GLIS1: variants seen among roughly 807,000 people sequenced by gnomAD.
GLIS1 encodes zinc finger protein GLIS1.
GLIS1 carries 24 observed loss-of-function variants against 63.8 expected under a neutral mutation model. The observed-to-expected ratio is 0.38, with a 90% CI of 0.27 to 0.53. GLIS1 has a LOEUF of 0.53. Among genes scored for constraint, GLIS1 ranks in the 20% least tolerant of loss-of-function variants. GLIS1 has a pLI of 0.85. For missense variants in GLIS1, 1,036 were observed against 1,074.1 expected (o/e 0.96, Z 0.50); for synonymous variants, 450 against 482.5 (o/e 0.93, Z 0.88).
chr1:53,556,722 TGCAG>T (rs1644837612), intron 4 of GLIS1, among the ~76,000 whole-genome samples: 1 of 150,802 alleles, frequency 6.6e-6, no homozygotes, highest in Non-Finnish European at 1.5e-5. Flanking sequence ...GATGTTTGTG[TGCAG>T]GTGTACTGGA....
chr1:53,720,886 T>A (rs1646747213), intron 2 of GLIS1, among the ~76,000 whole-genome samples: 1 of 152,070 alleles, frequency 6.6e-6, no homozygotes, highest in Admixed American at 6.5e-5. Flanking sequence ...TAGTCCCAGC[T>A]ACCTTAGAGG....
intron 6 of GLIS1, among the ~76,000 whole-genome samples, chr1:53,521,109 G>A (rs545236070): frequency 6.6e-6 from 1 of 152,274 alleles, no homozygotes; most frequent in East Asian, 1.9e-4. Context: ...AGGGACTCAG[G>A]GAGTCCTCAG....
At chr1:53,630,647 C>G (rs1645642486) in intron 2 of GLIS1, among the ~76,000 whole-genome samples, 1 of 152,166 alleles carries the variant, frequency 6.6e-6, no homozygotes, top group Non-Finnish European at 1.5e-5. Context: ...AGGTGTGTGC[C>G]ACCATGGCTC....
chr1:53,693,452 C>A (rs1346503962), intron 2 of GLIS1, among the ~76,000 whole-genome samples: 1 of 152,186 alleles, frequency 6.6e-6, no homozygotes, highest in Non-Finnish European at 1.5e-5. Flanking sequence ...CTCAGCAGCC[C>A]CTGTGGCCAG....
chr1:53,601,332 AG>A (rs2100550982), intron 2 of GLIS1, among the ~76,000 whole-genome samples: 1 of 152,360 alleles, frequency 6.6e-6, no homozygotes, highest in African/African-American at 2.4e-5. Flanking sequence ...TGCACCAAGA[AG>A]GAAAATTGTT....
Position 53,686,062 on chromosome 1 carries a change from C to T in GLIS1, c.259+51744G>A, listed in dbSNP as rs1646333346. Reference sequence around the variant, plus strand: ...GGCTGCTCACTGGCCCCTCTCCACTCCCGCAGCCATGATCCCAGCTGCCCA... The same window carrying T: ...GGCTGCTCACTGGCCCCTCTCCACTTCCGCAGCCATGATCCCAGCTGCCCA... On this transcript the variant is annotated intron_variant, in intron 2 of 10. Transcript: ENST00000628545. Among the ~76,000 whole-genome samples the T allele has an allele frequency of 2.0e-5, 3 of 152,216 alleles. No homozygotes were observed. The South Asian group carries it at 6.2e-4, about 32-fold the overall frequency.
intron 2 of GLIS1, among the ~76,000 whole-genome samples, chr1:53,634,471 C>T (rs1340769078): frequency 1.3e-5 from 2 of 152,080 alleles, no homozygotes; most frequent in African/African-American, 4.8e-5. Context: ...GAGAAGGAAG[C>T]GTTTCCAGGC....
chr1:53,684,167 C>T (rs538286249), intron 2 of GLIS1, among the ~76,000 whole-genome samples: 187 of 152,162 alleles, frequency 1.2e-3, no homozygotes, highest in African/African-American at 4.4e-3. Context: ...ATGGGCAGGG[C>T]ATTCCTGGGT....
At chr1:53,698,815 C>T (rs985926060) in intron 2 of GLIS1, among the ~76,000 whole-genome samples, 3 of 152,174 alleles carry the variant, frequency 2.0e-5, no homozygotes, top group Non-Finnish European at 2.9e-5. Context: ...TCATGGTTTA[C>T]GAGCCCATTG....
intron 2 of GLIS1, among the ~76,000 whole-genome samples, chr1:53,693,045 T>A (rs1353372630): frequency 2.0e-5 from 3 of 152,312 alleles, no homozygotes; most frequent in South Asian, 2.1e-4. Flanking sequence ...GCACAGCACT[T>A]CACAGTGTGA....
At position 53,574,674 on chromosome 1, in the gene GLIS1, C is replaced by T. The variant is rs2100476040; in HGVS notation, c.1320+19434G>A. Among the ~76,000 whole-genome samples, 1 of 152,298 alleles carries T rather than the reference C, an allele frequency of 6.6e-6. No individual in the cohort carries two copies. Among genetic ancestry groups the T allele is most frequent in the African/African-American group, 2.4e-5 (1 of 41,558 alleles). On this transcript the variant is annotated intron_variant, in intron 4 of 10. Transcript: ENST00000628545. The surrounding 1 kb of genome is among the most constrained non-coding windows in gnomAD (Gnocchi z 4.2). ...GTGGGTCATGATGTCTGCTGGTCCC[C>T]AATATGAGTAAAGGAAGCAGCCCCA...
intron 4 of GLIS1, among the ~76,000 whole-genome samples, chr1:53,558,628 C>T (rs566522321): frequency 2.0e-5 from 3 of 152,300 alleles, no homozygotes; most frequent in African/African-American, 7.2e-5. Context: ...CTGGGGCAAG[C>T]AGGGTGTCCC....
chr1:53,692,534 G>A (rs959371560), intron 2 of GLIS1, among the ~76,000 whole-genome samples: 21 of 152,244 alleles, frequency 1.4e-4, no homozygotes, highest in Non-Finnish European at 2.8e-4. Context: ...AGCCTTGCCT[G>A]GTGGGTGCCA....
Position 53,594,202 on chromosome 1 carries a change from G to A in GLIS1, c.1226C>T (p.Ala409Val), listed in dbSNP as rs147448341. ...RKGEDFTCFW[A>V]GCVRRYKPFN... ...GGGCTTGTAGCGGCGCACGCAGCCA[G>A]CCCAGAAGCAGGTGAAGTCCTCGCC... Residue 409 changes from alanine (A) to valine (V), a missense_variant, in exon 4 of 11, where the codon GCT becomes GTT. Physicochemically the swap from Ala to Val is moderately conservative, Grantham distance 64. Coordinates refer to ENST00000628545, the MANE Select transcript of GLIS1 (RefSeq NM_001367484.1). 5.0e-6 allele frequency: 8 copies of A among 1,613,970 alleles called. No individual in the cohort carries two copies. The highest frequency in any genetic ancestry group is 6.8e-6 in the Non-Finnish European group (8 of 1,179,984).
chr1:53,666,487 G>C (rs1219062274), intron 2 of GLIS1, among the ~76,000 whole-genome samples: 1 of 152,116 alleles, frequency 6.6e-6, no homozygotes, highest in Non-Finnish European at 1.5e-5. Flanking sequence ...CCAAATTCCA[G>C]TGGCTGACAA....
chr1:53,516,807 A>G (rs534136632), intron 7 of GLIS1, among the ~76,000 whole-genome samples: 1 of 151,930 alleles, frequency 6.6e-6, no homozygotes, highest in Non-Finnish European at 1.5e-5. Context: ...CATCTCAAAA[A>G]AAAAAACAAA....
chr1:53,542,542 C>T (rs905551552), intron 4 of GLIS1, among the ~76,000 whole-genome samples: 1 of 152,190 alleles, frequency 6.6e-6, no homozygotes, highest in African/African-American at 2.4e-5. Flanking sequence ...TGGCTGGCTG[C>T]TCAGCAGTCA....
intron 4 of GLIS1, among the ~76,000 whole-genome samples, chr1:53,534,481 G>T (rs1165356057): frequency 2.0e-5 from 3 of 151,960 alleles, no homozygotes; most frequent in Non-Finnish European, 4.4e-5. Context: ...CACTGCAAGG[G>T]CTGAGTGCCT....
intron 2 of GLIS1, among the ~76,000 whole-genome samples, chr1:53,636,986 C>T (rs1255585816): frequency 1.3e-5 from 2 of 152,204 alleles, no homozygotes; most frequent in Non-Finnish European, 2.9e-5. Context: ...TACAACAGGT[C>T]GCAGTGAGCG....
Sources: gnomAD v4.1 joint callset for allele counts (sites outside exome capture counted in the v4.1 genomes callset) on GRCh38, gnomAD v4.1.1 for gene constraint, Gnocchi (gnomAD v3.1) non-coding constraint, MANE v1.5 for transcripts, NCBI Gene and HGNC (gene_info 2026-07-23, HGNC 2026-07-21) for gene names.